Variants in SMC6 observed in about 807,000 individuals in gnomAD.
SMC6 encodes structural maintenance of chromosomes 6.
SMC6 carries 79 observed loss-of-function variants against 142.2 expected under a neutral mutation model. That is an observed-to-expected ratio of 0.56 (90% CI 0.46 to 0.67). SMC6 has a LOEUF of 0.67. Ranked by LOEUF, SMC6 falls within the 30% of genes least tolerant of loss-of-function variation. SMC6 has a pLI of 0.00. For synonymous variants in SMC6, 411 were observed against 412.4 expected (o/e 1.00, Z 0.04); for missense variants, 1,072 against 1,284.0 (o/e 0.83, Z 2.52).
At chr2:17,682,373 C>T (rs1307784185) in intron 24 of SMC6, among the ~76,000 whole-genome samples, 1 of 152,208 alleles carries the variant, frequency 6.6e-6, no homozygotes, top group Non-Finnish European at 1.5e-5. Flanking sequence ...ATGCCCCACA[C>T]TGCTCTTCAC....
intron 7 of SMC6, among the ~76,000 whole-genome samples, chr2:17,727,249 T>C (rs1431613094): frequency 6.6e-6 from 1 of 152,170 alleles, no homozygotes; most frequent in East Asian, 1.9e-4. Flanking sequence ...GATCCATCCT[T>C]AATCTGGATG....
At chr2:17,668,984 T>C (rs939713428) in intron 26 of SMC6, among the ~76,000 whole-genome samples, 1 of 152,078 alleles carries the variant, frequency 6.6e-6, no homozygotes, top group Non-Finnish European at 1.5e-5. Context: ...AGGAGCCACA[T>C]GCAAGCCTGG....
At chr2:17,704,603 T>C (rs1668416893) in intron 18 of SMC6, among the ~76,000 whole-genome samples, 1 of 152,188 alleles carries the variant, frequency 6.6e-6, no homozygotes, top group African/African-American at 2.4e-5. Context: ...CATATTCCAC[T>C]AAGATGAATA....
intron 16 of SMC6, among the ~76,000 whole-genome samples, chr2:17,708,999 T>C (rs1001788497): frequency 1.3e-5 from 2 of 152,094 alleles, no homozygotes; most frequent in Non-Finnish European, 2.9e-5. Flanking sequence ...GTTACAAATA[T>C]TAGCTCATTC....
Position 17,718,062 on chromosome 2 carries a change from G to T in SMC6, c.1092+15C>A. 6.3e-7 allele frequency: 1 copy of T among 1,586,098 alleles called. No individual in the cohort carries two copies. The highest frequency in any genetic ancestry group is 8.6e-7 in the Non-Finnish European group (1 of 1,169,540). ...GTGTGGCTTTTAAAATTCCAGTTTA[G>T]AAAATTTATCTCACCTCAGCTTCAT... On this transcript the variant is annotated intron_variant, in intron 12 of 27. Coordinates refer to ENST00000448223, the MANE Select transcript of SMC6 (RefSeq NM_001142286.2).
chr2:17,700,331 T>A lies in SMC6; in HGVS notation c.2271A>T (p.Glu757Asp). Residue 757 changes from glutamate (E) to aspartate (D), a missense_variant, in exon 21 of 28, where the codon GAA becomes GAT. Coordinates refer to ENST00000448223, the MANE Select transcript of SMC6 (RefSeq NM_001142286.2). ...TATTTTCTTTTTGTTGCTCCATATG[T>A]TCCTCAACCATTTTCATTTTGCTTT... is the stretch of plus-strand genomic sequence containing the variant. ...ENKSKMKMVE[E>D]HMEQQKENME... is the part of the protein sequence containing the mutation. 5 of 1,609,996 alleles carry A rather than the reference T, an allele frequency of 3.1e-6. No individual in the cohort carries two copies. Among genetic ancestry groups the A allele is most frequent in the Non-Finnish European group, 4.2e-6 (5 of 1,178,600 alleles).
At chr2:17,686,298 A>G (rs1434490354) in intron 23 of SMC6, among the ~76,000 whole-genome samples, 2 of 152,118 alleles carry the variant, frequency 1.3e-5, no homozygotes, top group Non-Finnish European at 2.9e-5. Context: ...CCTGGCCAAC[A>G]TGGTAAAACC....
At chr2:17,704,578 T>G (rs1368392840) in intron 18 of SMC6, among the ~76,000 whole-genome samples, 1 of 152,192 alleles carries the variant, frequency 6.6e-6, no homozygotes, top group Admixed American at 6.6e-5. Flanking sequence ...CTGGGGGATA[T>G]TCCCTGGAGC....
chr2:17,749,166 G>A (rs1395855419), intron 2 of SMC6, among the ~76,000 whole-genome samples: 1 of 151,912 alleles, frequency 6.6e-6, no homozygotes, highest in Non-Finnish European at 1.5e-5. Context: ...AAAGGCTAAA[G>A]AAACATATTT....
chr2:17,732,611 A>G (rs1669964162), intron 5 of SMC6, among the ~76,000 whole-genome samples: 1 of 152,052 alleles, frequency 6.6e-6, no homozygotes, highest in African/African-American at 2.4e-5. Context: ...AGCCAGGAGA[A>G]TCGCTTGAAC....
intron 2 of SMC6, among the ~76,000 whole-genome samples, chr2:17,751,681 A>T (rs1015054358): frequency 6.6e-6 from 1 of 152,212 alleles, no homozygotes; most frequent in Non-Finnish European, 1.5e-5. Context: ...ACTTGTTTAA[A>T]TAGTGAATCA....
intron 5 of SMC6, among the ~76,000 whole-genome samples, chr2:17,733,641 G>A (rs1044804401): frequency 6.6e-6 from 1 of 152,146 alleles, no homozygotes; most frequent in Non-Finnish European, 1.5e-5. Flanking sequence ...TGATGAAGTC[G>A]AGAGATGGTG....
intron 19 of SMC6, among the ~76,000 whole-genome samples, chr2:17,702,939 A>G (rs555879377): frequency 4.6e-5 from 7 of 152,314 alleles, no homozygotes; most frequent in African/African-American, 1.7e-4. Flanking sequence ...ACAGACTAAT[A>G]CATGAATTAA....
chr2:17,725,838 A>G (rs1025715730), intron 8 of SMC6, among the ~76,000 whole-genome samples: 1 of 152,174 alleles, frequency 6.6e-6, no homozygotes, highest in Non-Finnish European at 1.5e-5. Context: ...CGGTAATCCC[A>G]GCACTTTGGT....
chr2:17,741,050 T>C (rs563083958), intron 4 of SMC6, among the ~76,000 whole-genome samples: 7 of 152,148 alleles, frequency 4.6e-5, no homozygotes, highest in Non-Finnish European at 8.8e-5. Flanking sequence ...CAATAAACCA[T>C]ATAAGGTTAT....
In SMC6 at chr2:17,726,401, T is replaced by G. The variant is rs190397362; in HGVS notation, c.612A>C (p.Gly204=). 62 of 1,611,910 alleles carry G rather than the reference T, an allele frequency of 3.8e-5. No homozygotes were observed. In the East Asian group the frequency reaches 1.3e-3, roughly 33 times the overall value. ...TGGTGCCACTTACTTTGTATTTGTC[T>G]CCTTCATTTTTAGACTGTAAGAACT... is the stretch of plus-strand genomic sequence containing the variant. ...SKQFLQSKNE[G]DKYKFFMKAT... is the part of the protein sequence containing the mutation. The change falls in exon 8 of 28, where the codon GGA becomes GGC. Residue 204 remains glycine (G), a synonymous_variant. Transcript: ENST00000448223.
chr2:17,745,175 C>CT (rs1670680219), intron 3 of SMC6, among the ~76,000 whole-genome samples: 1 of 152,058 alleles, frequency 6.6e-6, no homozygotes, highest in African/African-American at 2.4e-5. Flanking sequence ...TTACAGTTTG[C>CT]TTTTTTGGGG....
chr2:17,691,862 A>G lies in SMC6; in HGVS notation c.2678+3290T>C, dbSNP rs191465350. Reference sequence around the variant, plus strand: ...CTTAAGCTGATAGGCAACTTCAGCAAAGTCTCAGGATACAAAATCAATATG... The same window carrying G: ...CTTAAGCTGATAGGCAACTTCAGCAGAGTCTCAGGATACAAAATCAATATG... On this transcript the variant is annotated intron_variant, in intron 23 of 27. Coordinates refer to ENST00000448223, the MANE Select transcript of SMC6 (RefSeq NM_001142286.2). Among the ~76,000 whole-genome samples, 1,191 of 152,344 alleles carry G rather than the reference A, an allele frequency of 7.8e-3. 15 individuals carry two copies. The highest frequency in any genetic ancestry group is 0.027 in the African/African-American group (1,119 of 41,560).
At chr2:17,723,907 G>T (rs1395471324) in intron 9 of SMC6, among the ~76,000 whole-genome samples, 1 of 152,116 alleles carries the variant, frequency 6.6e-6, no homozygotes, top group African/African-American at 2.4e-5. Flanking sequence ...AGAATACAGG[G>T]TATTTCACCA....
Sources: gnomAD v4.1 joint callset for allele counts (sites outside exome capture counted in the v4.1 genomes callset) on GRCh38, gnomAD v4.1.1 for gene constraint, MANE v1.5 for transcripts, NCBI Gene and HGNC (gene_info 2026-07-23, HGNC 2026-07-21) for gene names.